NAV3: variants seen among roughly 807,000 people sequenced by gnomAD.
NAV3 encodes the protein pore membrane and/or filament interacting like protein 1.
In NAV3, 87 loss-of-function variants were observed where a neutral mutation model predicts 244.7. The ratio of observed to expected loss-of-function variants is 0.36; its 90% CI spans 0.30 to 0.42. The LOEUF (loss-of-function observed/expected upper bound fraction) is 0.42. Among genes scored for constraint, NAV3 ranks in the 20% least tolerant of loss-of-function variants. NAV3 has a pLI of 1.00. For missense variants in NAV3, 2,663 were observed against 2,893.3 expected, an observed-to-expected ratio of 0.92 and a Z score of 1.83; for synonymous variants, 1,126 against 1,042.2, an observed-to-expected ratio of 1.08 and a Z score of -1.55.
At chr12:77,945,581 T>G (rs1387616943) in intron 3 of NAV3, among the ~76,000 whole-genome samples, 1 of 152,172 alleles carries the variant, frequency 6.6e-6, no homozygotes, top group East Asian at 1.9e-4. Context: ...TTACATGTAT[T>G]ATTTTATGTA....
intron 2 of NAV3, among the ~76,000 whole-genome samples, chr12:77,580,043 C>T (rs191936565): frequency 4.6e-5 from 7 of 152,234 alleles, no homozygotes; most frequent in African/African-American, 1.7e-4. Flanking sequence ...TTTCTCATCA[C>T]TGACTTACTA....
At chr12:77,986,956 C>A (rs180729234) in intron 5 of NAV3, among the ~76,000 whole-genome samples, 3 of 152,102 alleles carry the variant, frequency 2.0e-5, no homozygotes, top group Admixed American at 6.5e-5. Context: ...CATTTATTAG[C>A]CCTGAATAAA....
At chr12:77,658,281 T>C (rs1245011786) in intron 2 of NAV3, among the ~76,000 whole-genome samples, 3 of 151,882 alleles carry the variant, frequency 2.0e-5, no homozygotes, top group African/African-American at 7.3e-5. Flanking sequence ...AAACTCAATG[T>C]ACAAAAATCA....
At chr12:78,045,497 G>A (rs1209245324) in intron 9 of NAV3, among the ~76,000 whole-genome samples, 2 of 152,104 alleles carry the variant, frequency 1.3e-5, no homozygotes, top group African/African-American at 2.4e-5. Context: ...GTTTCACCAT[G>A]TTGGCCAGGA....
intron 13 of NAV3, 115 bp from the exon 14 acceptor site, chr12:78,117,912 A>T: frequency 9.5e-7 from 1 of 1,050,370 alleles, no homozygotes; most frequent in Non-Finnish European, 1.3e-6. Context: ...AGTGAAGGTA[A>T]ATCAAAATAG....
chr12:78,158,514 A>G (rs1345319180), intron 22 of NAV3, among the ~76,000 whole-genome samples: 2 of 152,152 alleles, frequency 1.3e-5, no homozygotes, highest in Non-Finnish European at 1.5e-5. Flanking sequence ...ATTTAAAACA[A>G]AACCTGAAAG....
At position 77,662,498 on chromosome 12, in the gene NAV3, G is replaced by T. The variant is rs559959596; in HGVS notation, c.72+90232G>T. On this transcript the variant is annotated intron_variant, in intron 2 of 8. Transcript: ENST00000550042. ...AGTAACTTTTTTGTAAATCCCATAGGACTAAAAAAAAAGTCTAATTCTGAA... is the reference window on the plus strand; with the variant it reads ...AGTAACTTTTTTGTAAATCCCATAGTACTAAAAAAAAAGTCTAATTCTGAA... Among the ~76,000 whole-genome samples the T allele has an allele frequency of 7.3e-5, 11 of 149,828 alleles. No homozygotes were observed. The East Asian group carries it at 1.9e-3, about 27-fold the overall frequency.
At chr12:78,150,689 C>T (rs1957049721) in intron 22 of NAV3, among the ~76,000 whole-genome samples, 2 of 145,470 alleles carry the variant, frequency 1.4e-5, no homozygotes, top group African/African-American at 5.1e-5. Context: ...ACATACGGAA[C>T]CAAATTCTAA....
chr12:77,924,760 A>G (rs776872624), intron 1 of NAV3, among the ~76,000 whole-genome samples: 2 of 152,194 alleles, frequency 1.3e-5, no homozygotes, highest in Non-Finnish European at 2.9e-5. Flanking sequence ...TGCAATGGTT[A>G]TTTGAAATTA....
chr12:77,871,811 C>G (rs1592847508), intron 1 of NAV3, among the ~76,000 whole-genome samples: 1 of 152,104 alleles, frequency 6.6e-6, no homozygotes, highest in East Asian at 1.9e-4. Context: ...CCAGTAATGG[C>G]ATTGCTGGGT....
intron 4 of NAV3, among the ~76,000 whole-genome samples, chr12:77,967,377 T>A (rs1892611711): frequency 6.6e-6 from 1 of 152,122 alleles, no homozygotes; most frequent in African/African-American, 2.4e-5. Flanking sequence ...CACTGTAGCC[T>A]CAGATTGATG....
In NAV3 at chr12:78,007,566, G is replaced by A. The variant is rs1288178813; in HGVS notation, c.1907+121G>A. 6 of 1,093,388 alleles carry A rather than the reference G, an allele frequency of 5.5e-6. No homozygotes were observed. The East Asian group carries it at 1.5e-4, about 28-fold the overall frequency. 67.7% of individuals were successfully genotyped at this position (1,093,388 alleles called of 1,614,324 possible). A position where few individuals can be genotyped will look rare whatever the true frequency, so the allele number is the denominator to read the frequency against. ...TCGTCATTTTGGAGTAAAGTTTCAT[G>A]CTAAAGATAGAGGCCTAGAATTCAG... is the stretch of plus-strand genomic sequence containing the variant. On this transcript the variant is annotated intron_variant, in intron 8 of 39. Transcript: ENST00000397909.
At position 77,635,481 on chromosome 12, in the gene NAV3, A is replaced by G. The variant is rs567484185; in HGVS notation, c.72+63215A>G. Reference sequence around the variant, plus strand: ...GATAAACTTTTCTCCTGAAATCTTTATATGTTTTTAAAGGTATATTCTATG... The same window carrying G: ...GATAAACTTTTCTCCTGAAATCTTTGTATGTTTTTAAAGGTATATTCTATG... On this transcript the variant is annotated intron_variant, in intron 2 of 8. Coordinates refer to the NAV3 transcript ENST00000550042. 2.0e-5 allele frequency among the ~76,000 whole-genome samples: 3 copies of G among 152,326 alleles called. No homozygotes were observed. In the South Asian group the frequency reaches 6.2e-4, roughly 32 times the overall value.
At position 78,210,592 on chromosome 12, in the gene NAV3, A is replaced by C; in HGVS notation, c.*75A>C. The stretch of plus-strand genomic sequence containing the variant: ...AAAAGAAAGGTATTTTCACTAAACC[A>C]CTGCCAGTATAAAAGCACCCTGTCA... On this transcript the variant is annotated 3_prime_UTR_variant, in exon 40 of 40. Coordinates refer to ENST00000397909, the MANE Select transcript of NAV3 (RefSeq NM_001024383.2). The C allele has an allele frequency of 1.3e-6, 2 of 1,544,020 alleles. No individual in the cohort carries two copies. The highest frequency in any genetic ancestry group is 1.8e-6 in the Non-Finnish European group (2 of 1,141,684).
intron 8 of NAV3, among the ~76,000 whole-genome samples, chr12:78,019,902 G>A (rs1380213058): frequency 2.0e-5 from 3 of 152,128 alleles, no homozygotes; most frequent in Non-Finnish European, 4.4e-5. Context: ...TGGGTTTGAA[G>A]TATTTTTGTG....
chr12:77,958,950 A>G (rs1054887490), intron 3 of NAV3, among the ~76,000 whole-genome samples: 3 of 152,190 alleles, frequency 2.0e-5, no homozygotes, highest in Non-Finnish European at 4.4e-5. Flanking sequence ...CGTTGAAATC[A>G]TAATGAATTT....
intron 2 of NAV3, among the ~76,000 whole-genome samples, chr12:77,634,111 C>T (rs1240283544): frequency 5.0e-5 from 5 of 100,448 alleles, no homozygotes; most frequent in East Asian, 3.0e-4. Flanking sequence ...TTCCAACCAC[C>T]TTGGCAAATC....
At chr12:77,582,849 T>C (rs947075907) in intron 2 of NAV3, among the ~76,000 whole-genome samples, 7 of 152,326 alleles carry the variant, frequency 4.6e-5, no homozygotes, top group Non-Finnish European at 8.8e-5. Flanking sequence ...GAGGTGAGAC[T>C]GCTAGCCAAT....
chr12:77,786,807 A>G (rs1182386172), intron 2 of NAV3, among the ~76,000 whole-genome samples: 2 of 151,978 alleles, frequency 1.3e-5, no homozygotes, highest in Non-Finnish European at 2.9e-5. Flanking sequence ...TCCCACCACC[A>G]TGAGAATTAA....
Sources: allele counts gnomAD v4.1 joint callset (sites outside exome capture counted in the v4.1 genomes callset), GRCh38; gene constraint gnomAD v4.1.1; transcripts MANE v1.5; gene names NCBI Gene and HGNC (gene_info 2026-07-23, HGNC 2026-07-21).